CEP152: variants seen among roughly 807,000 people sequenced by gnomAD.
The protein encoded by CEP152 is centrosomal protein of 152 kDa.
In CEP152, 132 loss-of-function variants were observed where a neutral mutation model predicts 188.9. The ratio of observed to expected loss-of-function variants is 0.70; its 90% CI spans 0.61 to 0.81. CEP152 has a LOEUF of 0.81. Among genes scored for constraint, CEP152 ranks in the 30% least tolerant of loss-of-function variants. CEP152 has a pLI of 0.00. For missense variants in CEP152, 1,914 were observed against 1,969.8 expected, an observed-to-expected ratio of 0.97 and a Z score of 0.54; for synonymous variants, 649 against 666.6, an observed-to-expected ratio of 0.97 and a Z score of 0.41.
At chr15:48,800,385 A>G (rs1313498370) in intron 2 of CEP152, among the ~76,000 whole-genome samples, 1 of 152,194 alleles carries the variant, frequency 6.6e-6, no homozygotes, top group Non-Finnish European at 1.5e-5. Context: ...CCTCCTAAAT[A>G]AGGCCATTCA....
intron 18 of CEP152, 41 bp from the exon 19 acceptor site, chr15:48,760,307 A>G: frequency 6.2e-7 from 1 of 1,610,872 alleles, no homozygotes; most frequent in African/African-American, 1.3e-5. Flanking sequence ...GGGAAGTATA[A>G]AACTTAAAAA....
chr15:48,782,968 CT>C (rs1485415320), intron 10 of CEP152, among the ~76,000 whole-genome samples: 1 of 152,174 alleles, frequency 6.6e-6, no homozygotes, highest in Admixed American at 6.5e-5. Flanking sequence ...ATTTTGCCCC[CT>C]ATCAAGACAT....
chr15:48,772,405 T>C, intron 13 of CEP152, 82 bp downstream of exon 13: 7 of 1,180,236 alleles, frequency 5.9e-6, no homozygotes, highest in Non-Finnish European at 8.7e-6. Flanking sequence ...AGTGACGCCC[T>C]GTCTCAAAAA....
intron 19 of CEP152, among the ~76,000 whole-genome samples, chr15:48,758,588 G>A (rs184239357): frequency 7.9e-4 from 120 of 151,808 alleles, no homozygotes; most frequent in Middle Eastern, 6.8e-3. Context: ...GCGAGGTAGC[G>A]GGCACCTATA....
downstream of CEP152, among the ~76,000 whole-genome samples, chr15:48,736,632 T>C (rs927557971): frequency 2.0e-5 from 3 of 152,156 alleles, no homozygotes; most frequent in Admixed American, 2.0e-4. Context: ...ATACACCCTA[T>C]ACCACACCCT....
At position 48,791,353 on chromosome 15, in the gene CEP152, TGA is replaced by T. The variant is rs1282449613; in HGVS notation, c.854_855del (p.Leu285GlnfsTer20). 1.2e-6 allele frequency: 2 copies of T among 1,612,422 alleles called. No homozygotes were observed. Among genetic ancestry groups the T allele is most frequent in the Non-Finnish European group, 1.7e-6 (2 of 1,179,552 alleles). On this transcript the variant is annotated frameshift_variant, in exon 8 of 27. Coordinates refer to ENST00000380950, the MANE Select transcript of CEP152 (RefSeq NM_001194998.2). LOFTEE classifies it high-confidence loss of function. ...AAGAGTTTCTGTGATTCTCGAAGGC[TGA>T]GAGTCAAACCATCCTTTTCATCTAC... ...IIKDEKDGLT[L>X]SLRESQKLFQ...
At chr15:48,768,138 C>G (rs1566999351) in intron 15 of CEP152, 81 bp downstream of exon 15, 15 of 834,012 alleles carry the variant, frequency 1.8e-5, no homozygotes, top group Non-Finnish European at 2.1e-5. Flanking sequence ...CATTTTGAAT[C>G]TTTTTGTCAC....
Position 48,788,801 on chromosome 15 carries a change from C to A in CEP152, c.1173G>T (p.Gln391His), listed in dbSNP as rs1380606654. 2 of 1,613,768 alleles carry A rather than the reference C, an allele frequency of 1.2e-6. No homozygotes were observed. The highest frequency in any genetic ancestry group is 1.7e-6 in the Non-Finnish European group (2 of 1,179,774). The change falls in exon 9 of 27, where the codon CAG (glutamine) becomes CAT (histidine). Residue 391 changes from glutamine (Q) to histidine (H), a missense_variant and splice_region_variant. Physicochemically the swap from Gln to His is conservative, Grantham distance 24 (BLOSUM62 0). Coordinates refer to ENST00000380950, the MANE Select transcript of CEP152 (RefSeq NM_001194998.2). ...GTTGCTCATTTGAAATCATCCCAAC[C>A]TGTTCTTTAAGTGCGGTGACTGTGG... ...LDATVTALKE[Q>H]EDICSRLKDH...
intron 6 of CEP152, among the ~76,000 whole-genome samples, chr15:48,793,784 G>A (rs759589253): frequency 2.0e-5 from 3 of 152,194 alleles, no homozygotes; most frequent in Non-Finnish European, 4.4e-5. Context: ...ACTGGTTTAA[G>A]TTATAACCCT....
chr15:48,790,811 G>A (rs1896944882), intron 8 of CEP152, among the ~76,000 whole-genome samples: 2 of 152,156 alleles, frequency 1.3e-5, no homozygotes, highest in South Asian at 2.1e-4. Context: ...CAGGTGATTC[G>A]ACCGCCTCGG....
intron 2 of CEP152, chr15:48,729,554 A>T (rs540351184): frequency 3.3e-5 from 5 of 152,234 alleles, no homozygotes; most frequent in East Asian, 1.9e-4. Context: ...AATAAAAAAA[A>T]TTTTTTAAGT....
chr15:48,732,548 G>C (rs1892458301), intron 2 of CEP152, among the ~76,000 whole-genome samples: 1 of 152,004 alleles, frequency 6.6e-6, no homozygotes, highest in African/African-American at 2.4e-5. Context: ...GGCCTGTTGG[G>C]GGTTTGGGGT....
Position 48,756,100 on chromosome 15 carries a change from G to T in CEP152, c.3148C>A (p.Leu1050Ile), listed in dbSNP as rs754578791. 6.2e-7 allele frequency: 1 copy of T among 1,614,058 alleles called. No homozygotes were observed. The highest frequency in any genetic ancestry group is 2.2e-5 in the East Asian group (1 of 44,872). The change falls in exon 20 of 27, where the codon CTT becomes ATT. Residue 1050 changes from leucine to isoleucine, a missense_variant. Leu to Ile is a conservative substitution (Grantham distance 5). Coordinates refer to ENST00000380950, the MANE Select transcript of CEP152 (RefSeq NM_001194998.2). ...YQYEEDILTV[L>I]GVLLSDTQKE... ...TGGGTATCACTTAAAAGAACCCCAA[G>T]TACAGTCAGGATGTCTTCCTCATAC...
chr15:48,765,903 C>T (rs915860777), intron 17 of CEP152, among the ~76,000 whole-genome samples: 1 of 152,002 alleles, frequency 6.6e-6, no homozygotes, highest in Non-Finnish European at 1.5e-5. Context: ...CCGCCCGTCT[C>T]GGCCTCCCAA....
chr15:48,759,586 C>T (rs1009039565), intron 19 of CEP152, among the ~76,000 whole-genome samples: 1 of 152,064 alleles, frequency 6.6e-6, no homozygotes, highest in Non-Finnish European at 1.5e-5. Flanking sequence ...ACATCTAGTC[C>T]TTTTATTTTT....
chr15:48,772,428 A>G, intron 13 of CEP152, 59 bp downstream of exon 13: 3 of 1,478,520 alleles, frequency 2.0e-6, no homozygotes, highest in Admixed American at 1.7e-5. Context: ...AAAAAGTGTA[A>G]AAGTTTTCTT....
At chr15:48,767,530 C>T in intron 15 of CEP152, 67 bp from the exon 16 acceptor site, 1 of 1,606,442 alleles carries the variant, frequency 6.2e-7, no homozygotes, top group Non-Finnish European at 8.5e-7. Context: ...AATTGGTTTC[C>T]TTCCTTCCTC....
chr15:48,759,271 CT>C (rs1894506547), intron 19 of CEP152, among the ~76,000 whole-genome samples: 1 of 152,118 alleles, frequency 6.6e-6, no homozygotes, highest in African/African-American at 2.4e-5. Flanking sequence ...TTTTTCTACA[CT>C]TTTATTTAAA....
chr15:48,784,651 C>T (rs968220022), intron 9 of CEP152, among the ~76,000 whole-genome samples: 2 of 152,140 alleles, frequency 1.3e-5, no homozygotes, highest in Non-Finnish European at 2.9e-5. Flanking sequence ...TAAACTTGAT[C>T]TGTTTCTTTC....
Sources: gnomAD v4.1 joint callset for allele counts (sites outside exome capture counted in the v4.1 genomes callset) on GRCh38, gnomAD v4.1.1 for gene constraint, MANE v1.5 for transcripts, NCBI Gene and HGNC (gene_info 2026-07-23, HGNC 2026-07-21) for gene names.